ASPHD1: variants seen among roughly 807,000 people sequenced by gnomAD.
The protein encoded by ASPHD1 is aspartate beta-hydroxylase domain-containing protein 1.
ASPHD1 carries 20 observed loss-of-function variants against 28.3 expected under a neutral mutation model. That is an observed-to-expected ratio of 0.71 (90% CI 0.50 to 1.03). The LOEUF (loss-of-function observed/expected upper bound fraction) is 1.03. Ranked by LOEUF, ASPHD1 falls within the 50% of genes least tolerant of loss-of-function variation. ASPHD1 has a pLI of 0.00. For synonymous variants in ASPHD1, 240 were observed against 221.2 expected, an observed-to-expected ratio of 1.08 and a Z score of -0.75; for missense variants, 479 against 524.1, an observed-to-expected ratio of 0.91 and a Z score of 0.84.
chr16:29,902,507 A>G (rs1054298939), intron 1 of ASPHD1, among the ~76,000 whole-genome samples: 2 of 152,202 alleles, frequency 1.3e-5, no homozygotes, highest in Non-Finnish European at 2.9e-5. Flanking sequence ...CTGATCCTGA[A>G]GCCTACACTT....
intron 3 of ASPHD1, among the ~76,000 whole-genome samples, chr16:29,919,173 G>T (rs116577131): frequency 2.0e-5 from 3 of 152,152 alleles, no homozygotes; most frequent in Non-Finnish European, 4.4e-5. Context: ...ACGATACCGG[G>T]AGTAAACAAC....
chr16:29,907,224 G>A, downstream of ASPHD1: 1 of 671,366 alleles, frequency 1.5e-6, no homozygotes, highest in Non-Finnish European at 2.5e-6. Context: ...AGGTCCTTGG[G>A]CCTGGCCTGG....
intron 1 of ASPHD1, among the ~76,000 whole-genome samples, chr16:29,902,886 T>TC (rs1350911512): frequency 7.9e-5 from 11 of 139,722 alleles, no homozygotes; most frequent in Non-Finnish European, 1.1e-4. Flanking sequence ...ATTTTTTCTT[T>TC]TTCTTTTTTT....
At chr16:29,902,372 T>C (rs1289354626) in intron 1 of ASPHD1, among the ~76,000 whole-genome samples, 4 of 152,142 alleles carry the variant, frequency 2.6e-5, no homozygotes, top group African/African-American at 9.7e-5. Context: ...GAGGCTGCAG[T>C]GAGCTGAGAT....
At position 29,904,929 on chromosome 16, in the gene ASPHD1, G is replaced by A. The variant is rs746220975; in HGVS notation, c.1027G>A (p.Val343Met). Residue 343 changes from valine (V) to methionine (M), a missense_variant, in exon 2 of 3, where the codon GTG becomes ATG. Transcript: ENST00000308748. ...CTGGGCTGAGGGGCACTGTCTACTG[G>A]TGGACGACTCTTTTCTACACACAGT... ...QCWAEGHCLLVDDSFLHTVAH... is the reference protein window; with the variant it reads ...QCWAEGHCLLMDDSFLHTVAH... The A allele has an allele frequency of 6.2e-7, 1 of 1,613,564 alleles. No homozygotes were observed. The highest frequency in any genetic ancestry group is 1.7e-5 in the Admixed American group (1 of 59,914).
rs923037294 is a variant in ASPHD1, at chr16:29,900,728, C to T, written c.-244C>T. 5.3e-6 allele frequency: 3 copies of T among 568,622 alleles called. No homozygotes were observed. In the South Asian group the frequency reaches 6.6e-5, roughly 13 times the overall value. The allele number at this position is 568,622 out of a possible 1,614,324, so 35.2% of individuals were successfully genotyped here. ...GACAGGCTGCGGGTTCCCGGGACTG[C>T]AGGTCCAGGCAGGGTAGGAACCGCT... On this transcript the variant is annotated 5_prime_UTR_variant, in exon 1 of 3. Transcript: ENST00000308748.
In ASPHD1 at chr16:29,901,237, C is replaced by G. The variant is rs1299567720; in HGVS notation, c.266C>G (p.Ser89Cys). 3 of 1,613,772 alleles carry G rather than the reference C, an allele frequency of 1.9e-6. No homozygotes were observed. The highest frequency in any genetic ancestry group is 2.5e-6 in the Non-Finnish European group (3 of 1,179,938). The change falls in exon 1 of 3, where the codon TCC (serine) becomes TGC (cysteine). Residue 89 changes from serine to cysteine, a missense_variant. Physicochemically the swap from Ser to Cys is moderately radical, Grantham distance 112. Coordinates refer to ENST00000308748, the MANE Select transcript of ASPHD1 (RefSeq NM_181718.4). This position sits in a 1 kb window ranked among gnomAD's most constrained non-coding sequence, Gnocchi z 5.1. ...ACCTTGCTCTTCGGGGCCCTCACTT[C>G]CCTGTTCCTCTGGTACTGCTACCGC... Reference protein sequence around the residue: ...ALTLLFGALTSLFLWYCYRLG... With the variant: ...ALTLLFGALTCLFLWYCYRLG...
intron 1 of ASPHD1, among the ~76,000 whole-genome samples, chr16:29,903,626 T>C (rs540332232): frequency 6.6e-6 from 1 of 152,188 alleles, no homozygotes; most frequent in South Asian, 2.1e-4. Context: ...TCAGGATCAG[T>C]TCCCAATCCT....
chr16:29,902,982 A>G (rs1339430555), intron 1 of ASPHD1, among the ~76,000 whole-genome samples: 1 of 145,864 alleles, frequency 6.9e-6, no homozygotes, highest in Non-Finnish European at 1.5e-5. Context: ...TAACCTCCTG[A>G]GATCAAAGGA....
Position 29,901,315 on chromosome 16 carries a change from T to C in ASPHD1, c.344T>C (p.Val115Ala), listed in dbSNP as rs536773682. The C allele has an allele frequency of 1.9e-6, 3 of 1,610,340 alleles. No homozygotes were observed. The highest frequency in any genetic ancestry group is 2.7e-5 in the African/African-American group (2 of 74,852). ...ALGAGSRAGG[V>A]RGGPVGCSEA... ...GGGGCTGGGAGCCGAGCTGGGGGTG[T>C]TCGTGGTGGGCCTGTGGGATGCTCG... is the stretch of plus-strand genomic sequence containing the variant. The change falls in exon 1 of 3, where the codon GTT becomes GCT. Residue 115 changes from valine (V) to alanine (A), a missense_variant. Coordinates refer to ENST00000308748, the MANE Select transcript of ASPHD1 (RefSeq NM_181718.4). This position sits in a 1 kb window ranked among gnomAD's most constrained non-coding sequence, Gnocchi z 5.1.
intron 3 of ASPHD1, chr16:29,911,933 C>T (rs1206534635): frequency 2.5e-6 from 4 of 1,609,432 alleles, no homozygotes; most frequent in African/African-American, 2.7e-5. Flanking sequence ...CAGTGAGCCT[C>T]CACCCTGCAG....
chr16:29,904,444 C>CA (rs527335929), intron 1 of ASPHD1, among the ~76,000 whole-genome samples: 2,592 of 136,944 alleles, frequency 0.019, 25 homozygotes, highest in East Asian at 0.024. Context: ...GACTACATCT[C>CA]AAAAAAAAAA....
rs1216088655 is a variant in ASPHD1 at position 29,906,007 on chromosome 16, T to C, written c.*110T>C. On this transcript the variant is annotated 3_prime_UTR_variant, in exon 3 of 3. Transcript: ENST00000308748. ...TGCGGGGGTGGGCGGGGGCGGAGGA[T>C]GGGAACTGGCTAGTGAGCACTGAAA... 2 of 488,752 alleles carry C rather than the reference T, an allele frequency of 4.1e-6. No homozygotes were observed. Among genetic ancestry groups the C allele is most frequent in the African/African-American group, 2.0e-5 (1 of 50,362 alleles). 30.3% of individuals were successfully genotyped at this position (488,752 alleles called of 1,614,324 possible). A position where few individuals can be genotyped will look rare whatever the true frequency, so the allele number is the denominator to read the frequency against.
chr16:29,912,029 G>A (rs1221089913), intron 3 of ASPHD1: 4 of 1,609,174 alleles, frequency 2.5e-6, no homozygotes, highest in South Asian at 1.1e-5. Flanking sequence ...GGCACAGCGG[G>A]GACAGCGTCT....
At chr16:29,905,651 AAAG>A (rs1441389622) in intron 2 of ASPHD1, 134 bp from the exon 3 acceptor site, 16 of 456,540 alleles carry the variant, frequency 3.5e-5, no homozygotes, top group East Asian at 7.5e-5. Flanking sequence ...AAAAAAAAAA[AAAG>A]ATTTGATACA....
intron 1 of ASPHD1, among the ~76,000 whole-genome samples, chr16:29,903,744 C>A (rs1428183643): frequency 1.3e-5 from 2 of 152,030 alleles, no homozygotes; most frequent in African/African-American, 4.8e-5. Flanking sequence ...TCCCCCGTAC[C>A]ACCTCCTGAA....
At chr16:29,906,350 AACTTT>A (rs556751586), downstream of ASPHD1, 1,314 of 203,952 alleles carry the variant, frequency 6.4e-3, 14 homozygotes, top group Non-Finnish European at 0.01. Context: ...TTCTCAACTT[AACTTT>A]ATTTCAATAA....
chr16:29,902,789 A>G (rs1409743291), intron 1 of ASPHD1, among the ~76,000 whole-genome samples: 1 of 151,810 alleles, frequency 6.6e-6, no homozygotes, highest in African/African-American at 2.4e-5. Context: ...TGCTGGGATT[A>G]CAGGCATGAG....
chr16:29,912,238 C>T, intron 3 of ASPHD1: 2 of 618,378 alleles, frequency 3.2e-6, no homozygotes, highest in Non-Finnish European at 5.7e-6. Flanking sequence ...CCCACGGACA[C>T]CTTGCTGCTT....
Sources: gnomAD v4.1 joint callset for allele counts (sites outside exome capture counted in the v4.1 genomes callset) on GRCh38, gnomAD v4.1.1 for gene constraint, Gnocchi (gnomAD v3.1) non-coding constraint, MANE v1.5 for transcripts, NCBI Gene and HGNC (gene_info 2026-07-23, HGNC 2026-07-21) for gene names.